The following DPYD variants were observed in gnomAD, a reference collection of about 807,000 sequenced individuals.
The protein encoded by DPYD is dihydropyrimidine dehydrogenase.
DPYD carries 109 observed loss-of-function variants against 116.2 expected under a neutral mutation model. That is an observed-to-expected ratio of 0.94 (90% CI 0.80 to 1.10). The LOEUF is 1.10. Ranked by LOEUF, DPYD falls within the 50% of genes least tolerant of loss-of-function variation. The probability of loss-of-function intolerance (pLI) is 0.00; values close to 1 mark genes in which losing one functional copy is unlikely to be tolerated. For missense variants in DPYD, 1,302 were observed against 1,254.5 expected, an observed-to-expected ratio of 1.04 and a Z score of -0.57; for synonymous variants, 440 against 432.0, an observed-to-expected ratio of 1.02 and a Z score of -0.23.
intron 13 of DPYD, among the ~76,000 whole-genome samples, chr1:97,472,894 A>G (rs1297382239): frequency 6.6e-6 from 1 of 152,236 alleles, no homozygotes; most frequent in East Asian, 1.9e-4. Context: ...ATGACTTCAT[A>G]TATCAAACAT....
intron 8 of DPYD, among the ~76,000 whole-genome samples, chr1:97,677,475 T>A (rs1660207515): frequency 6.6e-6 from 1 of 152,190 alleles, no homozygotes; most frequent in African/African-American, 2.4e-5. Context: ...TAATTGGAAC[T>A]TACAGACACC....
At chr1:97,839,610 C>A (rs1452383696) in intron 2 of DPYD, among the ~76,000 whole-genome samples, 1 of 152,102 alleles carries the variant, frequency 6.6e-6, no homozygotes, top group Non-Finnish European at 1.5e-5. Context: ...TAACAATTTT[C>A]TTAATGATGG....
At chr1:97,134,390 C>G (rs1383804852) in intron 20 of DPYD, among the ~76,000 whole-genome samples, 4 of 152,056 alleles carry the variant, frequency 2.6e-5, no homozygotes, top group African/African-American at 4.8e-5. Context: ...AGTTCTGAAA[C>G]AGATTGCCTG....
intron 18 of DPYD, among the ~76,000 whole-genome samples, chr1:97,237,305 G>C (rs1662012011): frequency 7.4e-6 from 1 of 135,700 alleles, no homozygotes; most frequent in South Asian, 2.3e-4. Flanking sequence ...GTTCATATCT[G>C]TTTCAGATAA....
At chr1:97,397,909 G>C (rs1021458053) in intron 14 of DPYD, among the ~76,000 whole-genome samples, 2 of 151,552 alleles carry the variant, frequency 1.3e-5, no homozygotes, top group Non-Finnish European at 1.5e-5. Context: ...TATGGTAAGA[G>C]TATTTGTAGT....
intron 13 of DPYD, among the ~76,000 whole-genome samples, chr1:97,478,879 C>T (rs376012424): frequency 2.3e-4 from 35 of 152,304 alleles, no homozygotes; most frequent in East Asian, 1.7e-3. Context: ...TGCTGCTTCG[C>T]CTTGTAATTT....
At chr1:97,139,604 A>G (rs1654065092) in intron 20 of DPYD, among the ~76,000 whole-genome samples, 1 of 152,170 alleles carries the variant, frequency 6.6e-6, no homozygotes, top group Non-Finnish European at 1.5e-5. Context: ...TCATTACCAC[A>G]CTACCAGATA....
At chr1:97,161,349 A>C (rs1413279472) in intron 20 of DPYD, among the ~76,000 whole-genome samples, 1 of 152,134 alleles carries the variant, frequency 6.6e-6, no homozygotes, top group Non-Finnish European at 1.5e-5. Context: ...AATGCAACCC[A>C]TCATTCTACC....
rs563373720 is a variant in DPYD at position 97,659,755 on chromosome 1, G to C, written c.850+19340C>G. ...ATAGTATAAGAACTCAAAAGTTTTT[G>C]AATGAATGCTAAATTACATTGCCCT... On this transcript the variant is annotated intron_variant, in intron 8 of 22. Transcript: ENST00000370192. 1.4e-4 allele frequency among the ~76,000 whole-genome samples: 22 copies of C among 152,190 alleles called. No homozygotes were observed. The South Asian group carries it at 4.6e-3, about 32-fold the overall frequency.
chr1:97,571,604 A>G lies in DPYD; in HGVS notation c.1339+2156T>C, dbSNP rs72732327. Among the ~76,000 whole-genome samples the G allele has an allele frequency of 4.6e-3, 702 of 152,070 alleles. 10 individuals are homozygous for G. Among genetic ancestry groups the G allele is most frequent in the African/African-American group, 0.016 (656 of 41,556 alleles). On this transcript the variant is annotated intron_variant, in intron 11 of 22. Transcript: ENST00000370192. ...TTTTAAAAGATGAATGCATTAAAACAGGTATCACATATGTGATAATCACTA... is the reference window on the plus strand; with the variant it reads ...TTTTAAAAGATGAATGCATTAAAACGGGTATCACATATGTGATAATCACTA...
intron 13 of DPYD, among the ~76,000 whole-genome samples, chr1:97,476,393 C>A (rs1028692858): frequency 6.6e-6 from 1 of 151,930 alleles, no homozygotes; most frequent in Admixed American, 6.6e-5. Context: ...AAAATATGAA[C>A]AATTCACAAA....
intron 14 of DPYD, among the ~76,000 whole-genome samples, chr1:97,428,508 G>T (rs1411094741): frequency 6.6e-6 from 1 of 152,052 alleles, no homozygotes; most frequent in African/African-American, 2.4e-5. Flanking sequence ...AGCAATAGAG[G>T]CAGGAAAGCA....
At chr1:97,299,270 C>A (rs546362989) in intron 18 of DPYD, among the ~76,000 whole-genome samples, 9 of 152,172 alleles carry the variant, frequency 5.9e-5, no homozygotes, top group African/African-American at 2.2e-4. Context: ...AGCTTGAAAT[C>A]ATTCTTTATG....
rs142393164 is a variant in DPYD at position 97,404,634 on chromosome 1, A to G, written c.1906-22173T>C. 7.6e-3 allele frequency among the ~76,000 whole-genome samples: 1,152 copies of G among 152,216 alleles called. 8 individuals are homozygous for G. Among genetic ancestry groups the G allele is most frequent in the Non-Finnish European group, 0.012 (834 of 67,972 alleles). On this transcript the variant is annotated intron_variant, in intron 14 of 22. Transcript: ENST00000370192. ...CTGCTATCTTTAGATTAGTGTTAGCATGATACATTTTCTTCATCCATTTAC... is the reference window on the plus strand; with the variant it reads ...CTGCTATCTTTAGATTAGTGTTAGCGTGATACATTTTCTTCATCCATTTAC...
intron 16 of DPYD, among the ~76,000 whole-genome samples, chr1:97,309,682 C>A (rs61786359): frequency 9.8e-6 from 1 of 102,106 alleles, no homozygotes; most frequent in Non-Finnish European, 2.8e-5. Context: ...CTAATCTTAT[C>A]GGGAATAGAT....
At chr1:97,577,642 G>A (rs1653354598) in intron 10 of DPYD, among the ~76,000 whole-genome samples, 1 of 151,808 alleles carries the variant, frequency 6.6e-6, no homozygotes, top group African/African-American at 2.4e-5. Flanking sequence ...TTTCCATCTT[G>A]AGCCTGTCCC....
chr1:97,652,264 A>T (rs1278129351), intron 8 of DPYD, among the ~76,000 whole-genome samples: 2 of 152,208 alleles, frequency 1.3e-5, no homozygotes, highest in Non-Finnish European at 2.9e-5. Flanking sequence ...TTCTCATGTT[A>T]TTCATCCTCT....
intron 11 of DPYD, among the ~76,000 whole-genome samples, chr1:97,553,510 C>T (rs1304564222): frequency 6.6e-6 from 1 of 151,978 alleles, no homozygotes; most frequent in Non-Finnish European, 1.5e-5. Flanking sequence ...AAAAATAAAA[C>T]TCAGAAGCAA....
chr1:97,238,001 A>C (rs1159190738), intron 18 of DPYD, among the ~76,000 whole-genome samples: 1 of 152,162 alleles, frequency 6.6e-6, no homozygotes, highest in Admixed American at 6.5e-5. Context: ...ATTAATGGAC[A>C]TAAAAAGGCA....
Sources: allele counts gnomAD v4.1 joint callset (sites outside exome capture counted in the v4.1 genomes callset), GRCh38; gene constraint gnomAD v4.1.1; transcripts MANE v1.5; gene names NCBI Gene and HGNC (gene_info 2026-07-23, HGNC 2026-07-21).